The following SERF2 variants were observed in gnomAD, a reference collection of about 807,000 sequenced individuals.
SERF2 encodes small EDRK-rich factor 2, also known as gastric cancer-related protein VRG107.
SERF2 carries 4 observed loss-of-function variants against 10.7 expected under a neutral mutation model. The observed-to-expected ratio is 0.37, with a 90% confidence interval of 0.18 to 0.86. The LOEUF (loss-of-function observed/expected upper bound fraction) is 0.86. Ranked by LOEUF, SERF2 falls within the 40% of genes least tolerant of loss-of-function variation. SERF2 has a pLI of 0.43. For missense variants in SERF2, 47 were observed against 79.1 expected (o/e 0.59, Z 1.54); for synonymous variants, 26 against 26.0 (o/e 1.00, Z 0.01).
chr15:43,781,592 C>CTTT (rs565641402), intron 1 of SERF2, among the ~76,000 whole-genome samples: 12 of 134,596 alleles, frequency 8.9e-5, no homozygotes, highest in South Asian at 4.7e-4. Flanking sequence ...TGCATTTTTC[C>CTTT]TTTTTTTTTT....
intron 1 of SERF2, 134 bp from the exon 2 acceptor site, chr15:43,792,841 C>T: frequency 5.5e-6 from 4 of 726,392 alleles, no homozygotes; most frequent in East Asian, 2.7e-5. Context: ...GCAGCCTGGG[C>T]CTCGATGGGC....
chr15:43,791,440 G>T (rs2087059715), upstream of SERF2, among the ~76,000 whole-genome samples: 1 of 151,244 alleles, frequency 6.6e-6, no homozygotes, highest in African/African-American at 2.4e-5. Flanking sequence ...ACCATTGTTG[G>T]TCAGGCTGCT....
chr15:43,781,141 G>A (rs2086960802), intron 1 of SERF2, among the ~76,000 whole-genome samples: 1 of 152,178 alleles, frequency 6.6e-6, no homozygotes, highest in South Asian at 2.1e-4. Flanking sequence ...TGATTAGTGG[G>A]TGGGTGTTGC....
intron 2 of SERF2, among the ~76,000 whole-genome samples, chr15:43,785,704 C>CTTTTTTTTTTTTTTTTTTTT (rs71415810): frequency 8.2e-6 from 1 of 122,678 alleles, no homozygotes; most frequent in Non-Finnish European, 1.7e-5. Context: ...TTTTCTTTTT[C>CTTTTTTTTTTTTTTTTTTTT]TTTTTTTTTT....
intron 2 of SERF2, 94 bp from the exon 3 acceptor site, chr15:43,793,616 C>A: frequency 6.2e-6 from 10 of 1,608,372 alleles, no homozygotes; most frequent in Non-Finnish European, 8.5e-6. Flanking sequence ...TAGTCCCATC[C>A]ACTTCCATCT....
intron 1 of SERF2, among the ~76,000 whole-genome samples, chr15:43,784,215 T>C (rs985426665): frequency 6.6e-6 from 1 of 152,096 alleles, no homozygotes; most frequent in African/African-American, 2.4e-5. Flanking sequence ...AACAACTGAG[T>C]CCAGCCTATT....
At chr15:43,793,576 G>C in intron 2 of SERF2, 134 bp from the exon 3 acceptor site, 1 of 1,557,162 alleles carries the variant, frequency 6.4e-7, no homozygotes, top group South Asian at 1.2e-5. Context: ...GTTCTCCTAG[G>C]GTGGGAGTAC....
In SERF2 at chr15:43,795,128, C is replaced by T. The variant is rs757496538; in HGVS notation, c.*1355C>T. Reference sequence around the variant, plus strand: ...AGTAACAGCCCCAGATAGAGGAGTACGCAGGCCCAGCATGAGGCAACCTTG... The same window carrying T: ...AGTAACAGCCCCAGATAGAGGAGTATGCAGGCCCAGCATGAGGCAACCTTG... On this transcript the variant is annotated 3_prime_UTR_variant, in exon 3 of 3. Transcript: ENST00000249786. 1.2e-5 allele frequency: 20 copies of T among 1,613,902 alleles called. No homozygotes were observed. Among genetic ancestry groups the T allele is most frequent in the South Asian group, 2.2e-5 (2 of 91,060 alleles).
rs368967498 is a variant in SERF2, at chr15:43,795,047, G to A, written c.*1274G>A. The A allele has an allele frequency of 2.4e-5, 38 of 1,612,564 alleles. No individual in the cohort carries two copies. The highest frequency in any genetic ancestry group is 1.6e-4 in the South Asian group (15 of 91,014). On this transcript the variant is annotated 3_prime_UTR_variant, in exon 3 of 3. Transcript: ENST00000249786. ...TCTGGGGATATGATGCGGTGGCGGCGGCGCCTCAAGATAAGGGGCTGGGGT... is the reference window on the plus strand; with the variant it reads ...TCTGGGGATATGATGCGGTGGCGGCAGCGCCTCAAGATAAGGGGCTGGGGT...
chr15:43,781,990 G>A (rs1390364733), intron 1 of SERF2, among the ~76,000 whole-genome samples: 3 of 151,740 alleles, frequency 2.0e-5, no homozygotes, highest in African/African-American at 7.3e-5. Context: ...CCGGGTTCAA[G>A]CAATTCTGGT....
rs766549249 is a variant in SERF2, at chr15:43,793,947, T to C, written c.*174T>C. 23 of 1,551,378 alleles carry C rather than the reference T, an allele frequency of 1.5e-5. No homozygotes were observed. In the Admixed American group the frequency reaches 2.5e-4, roughly 17 times the overall value. On this transcript the variant is annotated 3_prime_UTR_variant, in exon 3 of 3. Transcript: ENST00000249786. ...CTTCCTTCCCCTCAGGTAGCCTCTC[T>C]CCCCCTGGGCCACTCCCGGGGGTGA...
In SERF2 at chr15:43,795,187, G is replaced by T. The variant is rs764665774; in HGVS notation, c.*1414G>T. The T allele has an allele frequency of 6.2e-6, 10 of 1,614,094 alleles. No individual in the cohort carries two copies. In the East Asian group the frequency reaches 2.0e-4, roughly 32 times the overall value. On this transcript the variant is annotated 3_prime_UTR_variant, in exon 3 of 3. Coordinates refer to ENST00000249786, the MANE Select transcript of SERF2 (RefSeq NM_001018108.4). Reference sequence around the variant, plus strand: ...GGTGGCCCAGCTACCCTTGATGAAGGTCTTTTCCAGTTCTGCTCCCTCATA... The same window carrying T: ...GGTGGCCCAGCTACCCTTGATGAAGTTCTTTTCCAGTTCTGCTCCCTCATA...
intron 2 of SERF2, among the ~76,000 whole-genome samples, chr15:43,786,331 T>C (rs1272467001): frequency 6.8e-6 from 1 of 148,144 alleles, no homozygotes. Flanking sequence ...AGGAGAATGG[T>C]ATGAGCCCAG....
Position 43,795,302 on chromosome 15 carries a change from C to T in SERF2, c.*1529C>T, listed in dbSNP as rs1596044908. 6.3e-7 allele frequency: 1 copy of T among 1,590,384 alleles called. No homozygotes were observed. The highest frequency in any genetic ancestry group is 2.2e-5 in the East Asian group (1 of 44,722). On this transcript the variant is annotated 3_prime_UTR_variant, in exon 3 of 3. Transcript: ENST00000249786. The stretch of plus-strand genomic sequence containing the variant: ...TCCTCACCAAATATAATGGCAGACC[C>T]ATGTGTGTCTGGAATGGCCTTGAAT...
rs144215630 is a variant in SERF2 at position 43,792,618 on chromosome 15, A to G, written c.7+235A>G. The G allele has an allele frequency of 7.3e-4, 1,051 of 1,431,868 alleles. 7 individuals are homozygous for G. The highest frequency in any genetic ancestry group is 4.3e-3 in the South Asian group (294 of 67,646). The allele number at this position is 1,431,868 out of a possible 1,614,324, so 88.7% of individuals were successfully genotyped here. Reference sequence around the variant, plus strand: ...CTCCCGGATCTTCCGCGGTGTAAGGAGAAGGCCAGCGCCCCTGTGATAGGC... The same window carrying G: ...CTCCCGGATCTTCCGCGGTGTAAGGGGAAGGCCAGCGCCCCTGTGATAGGC... On this transcript the variant is annotated intron_variant, in intron 1 of 2. Coordinates refer to ENST00000249786, the MANE Select transcript of SERF2 (RefSeq NM_001018108.4).
At chr15:43,793,539 C>A in intron 2 of SERF2, 171 bp from the exon 3 acceptor site, 1 of 1,483,302 alleles carries the variant, frequency 6.7e-7, no homozygotes, top group Non-Finnish European at 9.0e-7. Flanking sequence ...GACTGGTCGC[C>A]TTTTGAGCCT....
upstream of SERF2, among the ~76,000 whole-genome samples, chr15:43,789,860 T>G (rs2087038190): frequency 6.6e-6 from 1 of 151,228 alleles, no homozygotes. Context: ...AAAAATACAG[T>G]CCGAGCACAG....
intron 1 of SERF2, among the ~76,000 whole-genome samples, chr15:43,784,041 C>A (rs960983770): frequency 2.0e-5 from 3 of 149,136 alleles, no homozygotes; most frequent in African/African-American, 7.4e-5. Flanking sequence ...CCTTGGCCTC[C>A]CAAAGTGCTG....
At chr15:43,789,580 CAG>C (rs1385111740), upstream of SERF2, among the ~76,000 whole-genome samples, 1 of 152,210 alleles carries the variant, frequency 6.6e-6, no homozygotes, top group Non-Finnish European at 1.5e-5. Flanking sequence ...GAATTGTTCA[CAG>C]AGTCTTCATT....
Sources: allele counts gnomAD v4.1 joint callset (sites outside exome capture counted in the v4.1 genomes callset), GRCh38; gene constraint gnomAD v4.1.1; transcripts MANE v1.5; gene names NCBI Gene and HGNC (gene_info 2026-07-23, HGNC 2026-07-21).